The following PP2D1 variants were observed in gnomAD, a reference collection of about 807,000 sequenced individuals.
PP2D1 encodes protein phosphatase 2C like domain containing 1.
Under a neutral mutation model 30.2 loss-of-function variants are expected in PP2D1, and 25 were observed. The observed-to-expected ratio is 0.83, with a 90% confidence interval of 0.60 to 1.16. The LOEUF (loss-of-function observed/expected upper bound fraction) is 1.16, where lower values mean the gene tolerates loss of function less well. Ranked by LOEUF, PP2D1 falls within the 50% of genes most tolerant of loss-of-function variation. PP2D1 has a pLI of 0.00. For missense variants in PP2D1, 760 were observed against 742.4 expected, an observed-to-expected ratio of 1.02 and a Z score of -0.28; for synonymous variants, 260 against 258.9, an observed-to-expected ratio of 1.00 and a Z score of -0.04.
intron 1 of PP2D1, among the ~76,000 whole-genome samples, chr3:20,006,400 G>A (rs1161181649): frequency 2.0e-5 from 3 of 152,116 alleles, no homozygotes; most frequent in Non-Finnish European, 4.4e-5. Context: ...TCGTCCCTAG[G>A]TATCTGTGGG....
chr3:19,983,775 C>T, downstream of PP2D1: 3 of 1,612,326 alleles, frequency 1.9e-6, no homozygotes, highest in Non-Finnish European at 2.5e-6. Context: ...GAGGAGTAGA[C>T]CTTACCGAAC....
chr3:19,992,988 G>A (rs1289215992), intron 2 of PP2D1, among the ~76,000 whole-genome samples: 1 of 151,986 alleles, frequency 6.6e-6, no homozygotes, highest in Non-Finnish European at 1.5e-5. Context: ...TCCTCTGAGT[G>A]AGCCTAAGAA....
Position 20,001,630 on chromosome 3 carries a change from A to G in PP2D1, c.490T>C (p.Cys164Arg). ...CCCACTCCTTTAATTAACAGATGAC[A>G]TATTTTTTGAGAATATATGACACTC... ...DRSVIYSQKI[C>R]HLLIKGVGIC... The change falls in exon 2 of 3, where the codon TGT becomes CGT. Residue 164 changes from cysteine to arginine, a missense_variant. Transcript: ENST00000389050. 2 of 1,536,336 alleles carry G rather than the reference A, an allele frequency of 1.3e-6. No individual in the cohort carries two copies. The highest frequency in any genetic ancestry group is 8.7e-7 in the Non-Finnish European group (1 of 1,146,892).
chr3:20,000,898 T>C (rs999467081), intron 2 of PP2D1, 132 bp downstream of exon 2: 4 of 437,490 alleles, frequency 9.1e-6, no homozygotes, highest in African/African-American at 8.1e-5. Context: ...TTGTTTCTTA[T>C]ATTGATCAAT....
chr3:19,986,366 A>G (rs760163605), intron 2 of PP2D1, among the ~76,000 whole-genome samples, 184 bp from the exon 3 acceptor site: 1 of 152,228 alleles, frequency 6.6e-6, no homozygotes, highest in Admixed American at 6.5e-5. Context: ...ACAGATTTCA[A>G]ACAGGTCAAT....
chr3:20,001,451 G>C lies in PP2D1; in HGVS notation c.669C>G (p.Leu223=). 1 of 1,536,450 alleles carries C rather than the reference G, an allele frequency of 6.5e-7. No homozygotes were observed. The highest frequency in any genetic ancestry group is 8.7e-7 in the Non-Finnish European group (1 of 1,146,966). Reference sequence around the variant, plus strand: ...AAAGCTGATGGAGAAGTAAAACTGGGAGTTCCATTGATGTCAACTCTGCCG... The same window carrying C: ...AAAGCTGATGGAGAAGTAAAACTGGCAGTTCCATTGATGTCAACTCTGCCG... ...ASAAELTSME[L]PVLLLHQLSK... The change falls in exon 2 of 3, where the codon CTC becomes CTG. Residue 223 remains leucine, a synonymous_variant. Transcript: ENST00000389050.
In PP2D1 at chr3:19,985,486, T is replaced by A; in HGVS notation, c.1787A>T (p.Tyr596Phe). The A allele has an allele frequency of 6.5e-7, 1 of 1,536,138 alleles. No homozygotes were observed. Among genetic ancestry groups the A allele is most frequent in the Non-Finnish European group, 8.7e-7 (1 of 1,146,864 alleles). Reference sequence around the variant, plus strand: ...AGCATTTACAAGTTCATGGCTAACATACTCAGCTGCGCCTTCATAGAAACT... The same window carrying A: ...AGCATTTACAAGTTCATGGCTAACAAACTCAGCTGCGCCTTCATAGAAACT... The part of the protein sequence containing the change: ...TKSFYEGAAE[Y>F]VSHELVNAAL... The change falls in exon 3 of 3, where the codon TAT becomes TTT. Residue 596 changes from tyrosine (Y) to phenylalanine (F), a missense_variant. This residue lies in a region of PP2D1 where 369 missense variants were observed against 316.2 expected (regional missense o/e 1.17). Coordinates refer to ENST00000389050, the MANE Select transcript of PP2D1 (RefSeq NM_001252657.2).
chr3:20,007,440 A>T (rs1338626299), intron 1 of PP2D1, among the ~76,000 whole-genome samples: 1 of 152,070 alleles, frequency 6.6e-6, no homozygotes, highest in Non-Finnish European at 1.5e-5. Context: ...AAAGCATGTA[A>T]CTTTACGTAA....
intron 2 of PP2D1, among the ~76,000 whole-genome samples, chr3:19,992,150 A>G (rs188830645): frequency 6.6e-6 from 1 of 152,296 alleles, no homozygotes; most frequent in East Asian, 1.9e-4. Context: ...TTCATGTTGA[A>G]CTAGCTTTCA....
At chr3:20,010,613 C>T (rs963733804) in intron 1 of PP2D1, among the ~76,000 whole-genome samples, 15 of 151,798 alleles carry the variant, frequency 9.9e-5, no homozygotes, top group Non-Finnish European at 2.1e-4. Flanking sequence ...ACTAGCCTGA[C>T]CGACATAGAG....
rs1697012809 is a variant in PP2D1, at chr3:19,985,387, A to C, written c.1886T>G (p.Leu629Arg). ...IFLNGSEYQL[L>R]T is the part of the protein sequence containing the mutation. ...AATTGGAACTTTATTTTTTTATGTC[A>C]GAAGCTGATATTCACTTCCATTGAG... is the stretch of plus-strand genomic sequence containing the variant. The change falls in exon 3 of 3, where the codon CTG (leucine) becomes CGG (arginine). Residue 629 changes from leucine (L) to arginine (R), a missense_variant. By Grantham distance (102) the Leu-to-Arg change is moderately radical (BLOSUM62 -2). Coordinates refer to ENST00000389050, the MANE Select transcript of PP2D1 (RefSeq NM_001252657.2). 6.6e-7 allele frequency: 1 copy of C among 1,523,296 alleles called. No individual in the cohort carries two copies. The highest frequency in any genetic ancestry group is 8.8e-7 in the Non-Finnish European group (1 of 1,140,318). The allele number at this position is 1,523,296 out of a possible 1,614,324, so 94.4% of individuals were successfully genotyped here.
downstream of PP2D1, among the ~76,000 whole-genome samples, chr3:19,981,720 TTTTA>T (rs1696931750): frequency 6.6e-6 from 1 of 152,186 alleles, no homozygotes. Context: ...AGGTAAGTTT[TTTTA>T]ATCAGTGGGA....
intron 1 of PP2D1, among the ~76,000 whole-genome samples, chr3:20,009,088 G>A (rs554033930): frequency 1.3e-5 from 2 of 152,224 alleles, no homozygotes; most frequent in Admixed American, 6.5e-5. Context: ...TTTGAGAACT[G>A]TGTAATGCAT....
intron 2 of PP2D1, among the ~76,000 whole-genome samples, chr3:19,988,400 G>T (rs1697070993): frequency 6.6e-6 from 1 of 152,116 alleles, no homozygotes. Context: ...GCACCCCCAG[G>T]CCTTTTAGGA....
chr3:20,005,396 C>T (rs1056829162), intron 1 of PP2D1, among the ~76,000 whole-genome samples: 1 of 152,124 alleles, frequency 6.6e-6, no homozygotes, highest in Non-Finnish European at 1.5e-5. Context: ...AGGTGACCTA[C>T]CTGCCTCAGC....
In PP2D1 at chr3:20,007,969, A is replaced by G. The variant is rs544985876; in HGVS notation, c.23+4081T>C. On this transcript the variant is annotated intron_variant, in intron 1 of 2. Transcript: ENST00000389050. ...GCGCTGCCAATCTCCTTAACTCGAT[A>G]GCCAGATCTTTTAATATCTGTAAAA... is the stretch of plus-strand genomic sequence containing the variant. 3.6e-5 allele frequency: 8 copies of G among 222,260 alleles called. No individual in the cohort carries two copies. In the East Asian group the frequency reaches 8.8e-4, roughly 24 times the overall value. 13.8% of individuals were successfully genotyped at this position (222,260 alleles called of 1,614,324 possible). A position where few individuals can be genotyped will look rare whatever the true frequency, so the allele number is the denominator to read the frequency against.
chr3:20,007,044 G>T (rs1559500458), intron 1 of PP2D1, among the ~76,000 whole-genome samples: 1 of 149,698 alleles, frequency 6.7e-6, no homozygotes, highest in Non-Finnish European at 1.5e-5. Context: ...TATATATATT[G>T]TATTTTTAGT....
Position 19,988,824 on chromosome 3 carries a change from G to T in PP2D1, c.1091-2642C>A, listed in dbSNP as rs1428015328. On this transcript the variant is annotated intron_variant, in intron 2 of 2. Transcript: ENST00000389050. ...AAAGAACCTACATGAAATATTGGGG[G>T]TGGTTCCCCCGATAGGGCATGGTGG... Among the ~76,000 whole-genome samples the T allele has an allele frequency of 8.5e-5, 13 of 152,224 alleles. No homozygotes were observed. In the East Asian group the frequency reaches 2.5e-3, roughly 29 times the overall value.
intron 1 of PP2D1, among the ~76,000 whole-genome samples, chr3:20,006,607 G>A (rs773149243): frequency 1.8e-4 from 27 of 152,086 alleles, no homozygotes; most frequent in East Asian, 3.9e-4. Flanking sequence ...AACTACAGGC[G>A]TGCACCACCA....
Sources: gnomAD v4.1 joint callset for allele counts (sites outside exome capture counted in the v4.1 genomes callset) on GRCh38, gnomAD v4.1.1 for gene constraint, gnomAD v4.1.1 regional missense constraint, MANE v1.5 for transcripts, NCBI Gene and HGNC (gene_info 2026-07-23, HGNC 2026-07-21) for gene names.